The following C1GALT1 variants were observed in gnomAD, a reference collection of about 807,000 sequenced individuals.
C1GALT1 encodes core 1 synthase, glycoprotein-N-acetylgalactosamine 3-beta-galactosyltransferase 1.
A neutral mutation model predicts 31.0 loss-of-function variants in C1GALT1; 11 were observed. The observed-to-expected ratio is 0.36, with a 90% CI of 0.22 to 0.59. The LOEUF (loss-of-function observed/expected upper bound fraction) is 0.59. C1GALT1 is among the 20% of genes least tolerant of loss of function. C1GALT1 has a pLI of 0.79. For synonymous variants in C1GALT1, 175 were observed against 143.6 expected, an observed-to-expected ratio of 1.22 and a Z score of -1.56; for missense variants, 424 against 425.2, an observed-to-expected ratio of 1.00 and a Z score of 0.03.
intron 1 of C1GALT1, among the ~76,000 whole-genome samples, chr7:7,192,741 T>C (rs987507379): frequency 6.6e-6 from 1 of 152,156 alleles, no homozygotes. Context: ...CCATTTTCCA[T>C]AGTGGTTATA....
chr7:7,222,362 C>T (rs147322666), intron 1 of C1GALT1, among the ~76,000 whole-genome samples: 8 of 152,156 alleles, frequency 5.3e-5, no homozygotes, highest in Admixed American at 1.3e-4. Context: ...TGAGAGACTT[C>T]GTCCAGGAAA....
intron 2 of C1GALT1, among the ~76,000 whole-genome samples, chr7:7,236,524 ATTTTT>A (rs763890063): frequency 6.6e-6 from 1 of 151,654 alleles, no homozygotes; most frequent in African/African-American, 2.4e-5. Context: ...GAGAATTTTT[ATTTTT>A]TATTTTTTTT....
At chr7:7,172,780 G>A (rs183664094) in intron 2 of C1GALT1, among the ~76,000 whole-genome samples, 59 of 152,226 alleles carry the variant, frequency 3.9e-4, no homozygotes, top group African/African-American at 1.4e-3. Flanking sequence ...TGGTACATTT[G>A]TTACTATCAA....
At chr7:7,164,366 G>A (rs1179311117) in intron 2 of C1GALT1, among the ~76,000 whole-genome samples, 1 of 152,122 alleles carries the variant, frequency 6.6e-6, no homozygotes, top group Non-Finnish European at 1.5e-5. Context: ...CTAACTCTAA[G>A]TAAGCAGAAG....
At chr7:7,228,799 AC>A (rs1209382102) in intron 1 of C1GALT1, among the ~76,000 whole-genome samples, 1 of 152,220 alleles carries the variant, frequency 6.6e-6, no homozygotes, top group Non-Finnish European at 1.5e-5. Flanking sequence ...AAAAACAATT[AC>A]GTAACACCAA....
rs547082260 is a variant in C1GALT1 at position 7,227,287 on chromosome 7, C to T, written c.-17-7016C>T. On this transcript the variant is annotated intron_variant, in intron 1 of 3. Transcript: ENST00000436587. ...CTAAAACTCATGTTGAAATTTAATT[C>T]CCAGTTTGGCAATATTAACAAGGCC... 6.2e-4 allele frequency among the ~76,000 whole-genome samples: 94 copies of T among 152,192 alleles called. 2 individuals are homozygous for T. The South Asian group carries it at 0.012, about 19-fold the overall frequency.
At chr7:7,204,262 T>G (rs753804394) in intron 1 of C1GALT1, among the ~76,000 whole-genome samples, 2 of 152,136 alleles carry the variant, frequency 1.3e-5, no homozygotes, top group East Asian at 3.9e-4. Context: ...CATACTGATA[T>G]AGGATTTTCA....
At chr7:7,227,453 G>A (rs1170174279) in intron 1 of C1GALT1, among the ~76,000 whole-genome samples, 2 of 152,186 alleles carry the variant, frequency 1.3e-5, no homozygotes, top group Non-Finnish European at 2.9e-5. Context: ...GGGCGCGGTG[G>A]CTCACGCCTG....
At chr7:7,216,220 A>G (rs1782232076) in intron 1 of C1GALT1, among the ~76,000 whole-genome samples, 1 of 152,162 alleles carries the variant, frequency 6.6e-6, no homozygotes, top group Non-Finnish European at 1.5e-5. Flanking sequence ...AAGAAGCGAG[A>G]ATAAAAGCAT....
chr7:7,182,146 C>T (rs1223904267), upstream of C1GALT1, among the ~76,000 whole-genome samples: 1 of 151,980 alleles, frequency 6.6e-6, no homozygotes, highest in African/African-American at 2.4e-5. Context: ...AAAGAGAGCA[C>T]GGGGAGAGAA....
chr7:7,186,175 T>C (rs1172323174), intron 1 of C1GALT1, among the ~76,000 whole-genome samples: 1 of 152,060 alleles, frequency 6.6e-6, no homozygotes, highest in Non-Finnish European at 1.5e-5. Flanking sequence ...CTTGTAAAGC[T>C]ACCAGTTCCT....
intron 1 of C1GALT1, among the ~76,000 whole-genome samples, chr7:7,199,739 A>G (rs1190625761): frequency 2.6e-5 from 4 of 152,192 alleles, no homozygotes; most frequent in African/African-American, 7.2e-5. Flanking sequence ...TTGGATGCAT[A>G]TATATTTAGA....
intron 2 of C1GALT1, among the ~76,000 whole-genome samples, chr7:7,177,356 A>G (rs1384413602): frequency 6.6e-6 from 1 of 152,210 alleles, no homozygotes; most frequent in Non-Finnish European, 1.5e-5. Flanking sequence ...GCCCTCTGAA[A>G]GAGAAAGACA....
At chr7:7,200,256 C>G (rs1184772044) in intron 1 of C1GALT1, among the ~76,000 whole-genome samples, 1 of 152,166 alleles carries the variant, frequency 6.6e-6, no homozygotes, top group East Asian at 1.9e-4. Flanking sequence ...AATCTCTCAG[C>G]ATTTGCTTGT....
At chr7:7,231,368 C>T (rs545672747) in intron 1 of C1GALT1, among the ~76,000 whole-genome samples, 33 of 151,960 alleles carry the variant, frequency 2.2e-4, no homozygotes, top group Non-Finnish European at 4.3e-4. Flanking sequence ...GTGTCAGTTT[C>T]GGAAAATATT....
At chr7:7,190,495 G>T (rs1340513890) in intron 1 of C1GALT1, among the ~76,000 whole-genome samples, 1 of 152,136 alleles carries the variant, frequency 6.6e-6, no homozygotes, top group African/African-American at 2.4e-5. Context: ...GTAGAGAACA[G>T]TTTCTCAGCA....
rs114570197 is a variant in C1GALT1, at chr7:7,223,378, G to T, written c.-17-10925G>T. Among the ~76,000 whole-genome samples the T allele has an allele frequency of 2.9e-3, 435 of 152,238 alleles. 2 individuals are homozygous for T. The highest frequency in any genetic ancestry group is 0.01 in the African/African-American group (416 of 41,524). On this transcript the variant is annotated intron_variant, in intron 1 of 3. Coordinates refer to ENST00000436587, the MANE Select transcript of C1GALT1 (RefSeq NM_020156.5). ...GGGTTTCTCCATGTTGGCCAGTCTGGTTTGGAACTCCTGACCTCAAGAGAT... is the reference window on the plus strand; with the variant it reads ...GGGTTTCTCCATGTTGGCCAGTCTGTTTTGGAACTCCTGACCTCAAGAGAT...
intron 1 of C1GALT1, among the ~76,000 whole-genome samples, chr7:7,184,696 A>G (rs1298760109): frequency 2.0e-5 from 3 of 152,258 alleles, no homozygotes; most frequent in African/African-American, 4.8e-5. Context: ...CAGTGCAGCT[A>G]TAAATAAACC....
intron 1 of C1GALT1, among the ~76,000 whole-genome samples, chr7:7,197,792 C>G (rs1433827940): frequency 1.3e-5 from 2 of 152,112 alleles, no homozygotes; most frequent in Admixed American, 6.5e-5. Context: ...GTATTTTATT[C>G]TCTTTGAAGC....
Sources: allele counts gnomAD v4.1 joint callset (sites outside exome capture counted in the v4.1 genomes callset), GRCh38; gene constraint gnomAD v4.1.1; transcripts MANE v1.5; gene names NCBI Gene and HGNC (gene_info 2026-07-23, HGNC 2026-07-21).